Variants in SYTL3 observed in about 807,000 individuals in gnomAD.
The protein encoded by SYTL3 is synaptotagmin like 3.
SYTL3 carries 88 observed loss-of-function variants against 82.1 expected under a neutral mutation model. The ratio of observed to expected loss-of-function variants is 1.07; its 90% CI spans 0.90 to 1.28. The LOEUF is 1.28. Among genes scored for constraint, SYTL3 ranks in the 50% most tolerant of loss-of-function variants. The pLI is 0.00. For missense variants in SYTL3, 831 were observed against 757.6 expected, an observed-to-expected ratio of 1.10 and a Z score of -1.14; for synonymous variants, 311 against 289.4, an observed-to-expected ratio of 1.07 and a Z score of -0.76.
intron 12 of SYTL3, among the ~76,000 whole-genome samples, chr6:158,749,448 A>T (rs1389287667): frequency 1.3e-5 from 2 of 148,610 alleles, no homozygotes; most frequent in South Asian, 4.2e-4. Flanking sequence ...TATTATGTAA[A>T]ACTTTGTGCT....
At chr6:158,671,016 G>A (rs961140843) in intron 5 of SYTL3, among the ~76,000 whole-genome samples, 1 of 151,972 alleles carries the variant, frequency 6.6e-6, no homozygotes, top group Non-Finnish European at 1.5e-5. Flanking sequence ...TTGTTAGCCA[G>A]GATGGTCTTG....
At chr6:158,684,599 C>A (rs891853039) in intron 6 of SYTL3, among the ~76,000 whole-genome samples, 1 of 152,058 alleles carries the variant, frequency 6.6e-6, no homozygotes, top group Admixed American at 6.6e-5. Flanking sequence ...AGACTCACAG[C>A]CTGACTCAGA....
chr6:158,722,765 T>TTG (rs2128476259), intron 10 of SYTL3, among the ~76,000 whole-genome samples: 1 of 86,564 alleles, frequency 1.2e-5, no homozygotes, highest in South Asian at 5.8e-4. Flanking sequence ...CTTTTCTGTT[T>TTG]TTTTTTTTTT....
chr6:158,758,267 CGTCTCTCTAAAAAT>C (rs1228186705), intron 14 of SYTL3, among the ~76,000 whole-genome samples: 1 of 152,002 alleles, frequency 6.6e-6, no homozygotes, highest in Non-Finnish European at 1.5e-5. Flanking sequence ...AGTGAAACCC[CGTCTCTCTAAAAAT>C]ACAAAAATTA....
At chr6:158,680,715 G>C (rs1488047005) in intron 5 of SYTL3, among the ~76,000 whole-genome samples, 1 of 152,094 alleles carries the variant, frequency 6.6e-6, no homozygotes, top group African/African-American at 2.4e-5. Flanking sequence ...TCGCGCCACT[G>C]CACTCCAGCC....
At chr6:158,688,282 A>G (rs1242447147) in intron 6 of SYTL3, among the ~76,000 whole-genome samples, 2 of 152,068 alleles carry the variant, frequency 1.3e-5, no homozygotes, top group African/African-American at 4.8e-5. Flanking sequence ...TTGGGGGGTA[A>G]ATTCTTAGAA....
intron 11 of SYTL3, among the ~76,000 whole-genome samples, chr6:158,731,278 C>A (rs1785376202): frequency 6.7e-6 from 1 of 150,256 alleles, no homozygotes; most frequent in Non-Finnish European, 1.5e-5. Flanking sequence ...AACAAAACTC[C>A]ATCTCAAAAA....
chr6:158,698,418 C>G (rs1311234235), intron 6 of SYTL3, among the ~76,000 whole-genome samples: 1 of 145,046 alleles, frequency 6.9e-6, no homozygotes, highest in African/African-American at 2.6e-5. Flanking sequence ...AAAAAAGGCT[C>G]TGGACTCCTG....
intron 11 of SYTL3, among the ~76,000 whole-genome samples, chr6:158,744,652 TG>T (rs2128511915): frequency 6.6e-6 from 1 of 152,310 alleles, no homozygotes; most frequent in African/African-American, 2.4e-5. Context: ...CTTTTCAAGA[TG>T]TTTTATAGTG....
intron 6 of SYTL3, among the ~76,000 whole-genome samples, chr6:158,683,579 G>C (rs1405054897): frequency 6.6e-6 from 1 of 152,182 alleles, no homozygotes; most frequent in African/African-American, 2.4e-5. Context: ...CCTGCTTCTA[G>C]GGGTGATGTC....
intron 11 of SYTL3, among the ~76,000 whole-genome samples, chr6:158,736,867 T>A (rs1786247476): frequency 6.6e-6 from 1 of 151,892 alleles, no homozygotes; most frequent in South Asian, 2.1e-4. Context: ...TGAAATAGTG[T>A]TTCCTGGAGA....
chr6:158,691,786 G>A (rs1302020785), intron 6 of SYTL3, among the ~76,000 whole-genome samples: 5 of 150,722 alleles, frequency 3.3e-5, no homozygotes, highest in African/African-American at 4.9e-5. Flanking sequence ...TGAGTAGCTG[G>A]GACTACGGGC....
upstream of SYTL3, among the ~76,000 whole-genome samples, chr6:158,645,943 T>C (rs558215255): frequency 6.6e-6 from 1 of 152,326 alleles, no homozygotes; most frequent in East Asian, 1.9e-4. Flanking sequence ...CCTCCACCCC[T>C]GCATCCTGTA....
At position 158,727,461 on chromosome 6, in the gene SYTL3, G is replaced by T. The variant is rs538388442; in HGVS notation, c.855+1824G>T. Reference sequence around the variant, plus strand: ...GCTGAGATTACAGGCATGAGCCACCGCACCCGGCCTAGAACTTTCATTCTT... The same window carrying T: ...GCTGAGATTACAGGCATGAGCCACCTCACCCGGCCTAGAACTTTCATTCTT... On this transcript the variant is annotated intron_variant, in intron 11 of 17. Coordinates refer to ENST00000611299, the MANE Select transcript of SYTL3 (RefSeq NM_001242394.2). 4.6e-5 allele frequency among the ~76,000 whole-genome samples: 7 copies of T among 152,192 alleles called. No homozygotes were observed. In the East Asian group the frequency reaches 1.4e-3, roughly 29 times the overall value.
intron 6 of SYTL3, among the ~76,000 whole-genome samples, chr6:158,703,822 C>CATTATT (rs71761794): frequency 5.5e-4 from 71 of 129,528 alleles, no homozygotes; most frequent in South Asian, 2.8e-3. Context: ...ATATTATTAT[C>CATTATT]ATTATTATTA....
At chr6:158,651,438 A>T (rs1404804610) in intron 1 of SYTL3, among the ~76,000 whole-genome samples, 1 of 152,068 alleles carries the variant, frequency 6.6e-6, no homozygotes, top group Non-Finnish European at 1.5e-5. Flanking sequence ...ATACAAAAAA[A>T]TTAGCTGGGT....
At position 158,761,519 on chromosome 6, in the gene SYTL3, A is replaced by C. The variant is rs923934551; in HGVS notation, c.1415-557A>C. ...GAGACAGGGTTTCACCATGTTAGCCAGGATGGTCTCGATCTCCTGACCTCA... is the reference window on the plus strand; with the variant it reads ...GAGACAGGGTTTCACCATGTTAGCCCGGATGGTCTCGATCTCCTGACCTCA... On this transcript the variant is annotated intron_variant, in intron 15 of 17. Coordinates refer to ENST00000611299, the MANE Select transcript of SYTL3 (RefSeq NM_001242394.2). 3.8e-4 allele frequency among the ~76,000 whole-genome samples: 58 copies of C among 151,940 alleles called. 1 individual carries two copies. Among genetic ancestry groups the C allele is most frequent in the Non-Finnish European group, 7.2e-4 (49 of 67,980 alleles).
At chr6:158,650,767 A>G (rs1416877003) in intron 1 of SYTL3, among the ~76,000 whole-genome samples, 1 of 147,568 alleles carries the variant, frequency 6.8e-6, no homozygotes, top group Non-Finnish European at 1.5e-5. Flanking sequence ...ACATGATGAA[A>G]CCCCATCTCT....
At chr6:158,753,597 G>A (rs1788678055) in intron 13 of SYTL3, among the ~76,000 whole-genome samples, 1 of 151,850 alleles carries the variant, frequency 6.6e-6, no homozygotes, top group South Asian at 2.1e-4. Context: ...GGGCGTGGTG[G>A]CGGGCGCCTG....
Sources: gnomAD v4.1 joint callset for allele counts (sites outside exome capture counted in the v4.1 genomes callset) on GRCh38, gnomAD v4.1.1 for gene constraint, MANE v1.5 for transcripts, NCBI Gene and HGNC (gene_info 2026-07-23, HGNC 2026-07-21) for gene names.